The following TP53INP1 variants were observed in gnomAD, a reference collection of about 807,000 sequenced individuals.
TP53INP1 encodes the protein tumor protein p53 inducible nuclear protein 1.
In TP53INP1, 12 loss-of-function variants were observed where a neutral mutation model predicts 21.0. The observed-to-expected ratio is 0.57, with a 90% CI of 0.37 to 0.93. The LOEUF (loss-of-function observed/expected upper bound fraction) is 0.93, where lower values mean the gene tolerates loss of function less well. Ranked by LOEUF, TP53INP1 falls within the 40% of genes least tolerant of loss-of-function variation. The pLI is 0.01. For synonymous variants in TP53INP1, 91 were observed against 94.8 expected, an observed-to-expected ratio of 0.96 and a Z score of 0.23; for missense variants, 274 against 294.7, an observed-to-expected ratio of 0.93 and a Z score of 0.51.
chr8:94,946,879 A>T (rs2131397005), intron 1 of TP53INP1, among the ~76,000 whole-genome samples: 1 of 152,144 alleles, frequency 6.6e-6, no homozygotes, highest in South Asian at 2.1e-4. Context: ...TTAAGTGTAT[A>T]CTACTTAGAA....
At chr8:94,941,847 G>A (rs918497514) in intron 1 of TP53INP1, among the ~76,000 whole-genome samples, 4 of 152,178 alleles carry the variant, frequency 2.6e-5, no homozygotes, top group African/African-American at 9.7e-5. Context: ...AGAACTCCAG[G>A]CTTGCTTGAT....
chr8:94,930,798 T>C, intron 3 of TP53INP1, 70 bp from the exon 4 acceptor site: 1 of 1,530,492 alleles, frequency 6.5e-7, no homozygotes, highest in Non-Finnish European at 8.8e-7. Flanking sequence ...AAAAGTTACT[T>C]AGCAATTCAA....
At position 94,947,296 on chromosome 8, in the gene TP53INP1, A is replaced by C. The variant is rs905118350; in HGVS notation, c.-151+1858T>G. Among the ~76,000 whole-genome samples, 6 of 152,146 alleles carry C rather than the reference A, an allele frequency of 3.9e-5. 1 individual carries two copies. The highest frequency in any genetic ancestry group is 9.6e-5 in the African/African-American group (4 of 41,524). Reference sequence around the variant, plus strand: ...CTCCAAAAAATATTAAAAAAAAAAAAAAAACCCGCAAGTTTGATGATCTAA... The same window carrying C: ...CTCCAAAAAATATTAAAAAAAAAAACAAAACCCGCAAGTTTGATGATCTAA... On this transcript the variant is annotated intron_variant, in intron 1 of 3. Transcript: ENST00000342697.
At chr8:94,939,018 G>A (rs527410238) in intron 3 of TP53INP1, among the ~76,000 whole-genome samples, 1 of 152,252 alleles carries the variant, frequency 6.6e-6, no homozygotes, top group Non-Finnish European at 1.5e-5. Flanking sequence ...GACACTAGAG[G>A]GTGTCCACTG....
Position 94,930,492 on chromosome 8 carries a change from T to C in TP53INP1, c.710A>G (p.Gln237Arg). The change falls in exon 4 of 4, where the codon CAG becomes CGG. Residue 237 changes from glutamine to arginine, a missense_variant. Gln to Arg is a conservative substitution (Grantham distance 43). Transcript: ENST00000342697. ...AACTTGAAACTATTAGTAATTGTAC[T>C]GACGCGGGCAGGGCTGATGAACAAC... ...GWVVHQPCPR[Q>R]YNY The C allele has an allele frequency of 6.2e-7, 1 of 1,614,250 alleles. No individual in the cohort carries two copies. The highest frequency in any genetic ancestry group is 8.5e-7 in the Non-Finnish European group (1 of 1,180,046).
intron 3 of TP53INP1, among the ~76,000 whole-genome samples, chr8:94,934,543 G>C (rs2131334928): frequency 6.6e-6 from 1 of 151,968 alleles, no homozygotes; most frequent in East Asian, 1.9e-4. Flanking sequence ...CCACCAGCAA[G>C]CCTGGCTAAT....
At chr8:94,939,270 T>G (rs1821287043) in intron 3 of TP53INP1, among the ~76,000 whole-genome samples, 1 of 152,184 alleles carries the variant, frequency 6.6e-6, no homozygotes, top group Non-Finnish European at 1.5e-5. Context: ...AAAGTCAGAG[T>G]TATGTTCTAA....
chr8:94,942,063 TTGTC>T (rs1242247863), intron 1 of TP53INP1, among the ~76,000 whole-genome samples: 3 of 151,772 alleles, frequency 2.0e-5, no homozygotes. Flanking sequence ...GACGGAGTCT[TTGTC>T]TGTTGCCCAG....
intron 3 of TP53INP1, among the ~76,000 whole-genome samples, chr8:94,932,732 G>A (rs1408691459): frequency 6.6e-6 from 1 of 152,204 alleles, no homozygotes; most frequent in Non-Finnish European, 1.5e-5. Flanking sequence ...GAACCCAGGA[G>A]GCGGAGCTTG....
intron 3 of TP53INP1, among the ~76,000 whole-genome samples, chr8:94,935,453 G>A (rs1000759746): frequency 3.9e-5 from 6 of 152,208 alleles, no homozygotes; most frequent in Non-Finnish European, 7.3e-5. Context: ...GTCATATGAT[G>A]TCTGTAAATT....
intron 3 of TP53INP1, among the ~76,000 whole-genome samples, chr8:94,931,493 C>A (rs544096471): frequency 6.6e-6 from 1 of 152,052 alleles, no homozygotes; most frequent in African/African-American, 2.4e-5. Flanking sequence ...CAACACGTAA[C>A]ATGAAGAGCT....
chr8:94,937,157 C>G (rs1821056835), intron 3 of TP53INP1, among the ~76,000 whole-genome samples: 1 of 152,114 alleles, frequency 6.6e-6, no homozygotes, highest in Admixed American at 6.6e-5. Flanking sequence ...TTTCTTCAGA[C>G]CAAAGGACAC....
Position 94,926,182 on chromosome 8 carries a change from C to T in TP53INP1, c.*4297G>A, listed in dbSNP as rs1819874383. 1.3e-5 allele frequency: 2 copies of T among 152,442 alleles called. 1 individual carries two copies. The highest frequency in any genetic ancestry group is 4.1e-4 in the South Asian group (2 of 4,826). 9.4% of individuals were successfully genotyped at this position (152,442 alleles called of 1,614,324 possible). A position where few individuals can be genotyped will look rare whatever the true frequency, so the allele number is the denominator to read the frequency against. ...TCAGTATAAAAAATTTCTATAAAAA[C>T]AAAATTTAGACCGTGGCTCAAGAAA... On this transcript the variant is annotated 3_prime_UTR_variant, in exon 4 of 4. Transcript: ENST00000342697.
At position 94,939,997 on chromosome 8, in the gene TP53INP1, G is replaced by C. The variant is rs1821365290; in HGVS notation, c.336C>G (p.Ile112Met). The C allele has an allele frequency of 1.2e-6, 2 of 1,614,190 alleles. No homozygotes were observed. The highest frequency in any genetic ancestry group is 1.7e-6 in the Non-Finnish European group (2 of 1,180,034). ...PCFTAGGLTT[I>M]KVETSPMENL... is the part of the protein sequence containing the mutation. ...TTTCCATAGGACTTGTTTCCACCTT[G>C]ATAGTGGTTAATCCACCTGCAGTAA... The change falls in exon 3 of 4, where the codon ATC becomes ATG. Residue 112 changes from isoleucine (I) to methionine (M), a missense_variant. Coordinates refer to ENST00000342697, the MANE Select transcript of TP53INP1 (RefSeq NM_033285.4).
chr8:94,943,062 G>A (rs1265089049), intron 1 of TP53INP1, among the ~76,000 whole-genome samples: 1 of 152,206 alleles, frequency 6.6e-6, no homozygotes, highest in Non-Finnish European at 1.5e-5. Context: ...GTAAATTGGG[G>A]GGATATGCAA....
chr8:94,929,328 C>A lies in TP53INP1; in HGVS notation c.*1151G>T, dbSNP rs1041518061. On this transcript the variant is annotated 3_prime_UTR_variant, in exon 4 of 4. Coordinates refer to ENST00000342697, the MANE Select transcript of TP53INP1 (RefSeq NM_033285.4). ...TCCCCGTTGGTGGGGGAAACAGAGG[C>A]CAGAGTGGTTAAAGATTTTGCCTGA... 1 of 151,804 alleles carries A rather than the reference C, an allele frequency of 6.6e-6. No homozygotes were observed. The highest frequency in any genetic ancestry group is 6.6e-5 in the Admixed American group (1 of 15,226). 9.4% of individuals were successfully genotyped at this position (151,804 alleles called of 1,614,324 possible).
At position 94,929,171 on chromosome 8, in the gene TP53INP1, C is replaced by T. The variant is rs534377496; in HGVS notation, c.*1308G>A. On this transcript the variant is annotated 3_prime_UTR_variant, in exon 4 of 4. Transcript: ENST00000342697. ...AACAGCTGTGGCAGAGAAAGTGCCA[C>T]GGCCCCACCCCATCACCAGATTCAG... 1.4e-3 allele frequency: 219 copies of T among 152,686 alleles called. No individual in the cohort carries two copies. The highest frequency in any genetic ancestry group is 6.2e-3 in the South Asian group (30 of 4,828). 9.5% of individuals were successfully genotyped at this position (152,686 alleles called of 1,614,324 possible).
At chr8:94,948,989 G>A (rs1243829106) in intron 1 of TP53INP1, among the ~76,000 whole-genome samples, 165 bp downstream of exon 1, 6 of 149,990 alleles carry the variant, frequency 4.0e-5, no homozygotes, top group Non-Finnish European at 7.4e-5. Context: ...GGGCCCGGCG[G>A]CGGCGAGGGG....
At position 94,928,888 on chromosome 8, in the gene TP53INP1, A is replaced by T. The variant is rs896150781; in HGVS notation, c.*1591T>A. 1.2e-4 allele frequency: 18 copies of T among 152,594 alleles called. No homozygotes were observed. Among genetic ancestry groups the T allele is most frequent in the African/African-American group, 3.9e-4 (16 of 41,444 alleles). 9.5% of individuals were successfully genotyped at this position (152,594 alleles called of 1,614,324 possible). A position where few individuals can be genotyped will look rare whatever the true frequency, so the allele number is the denominator to read the frequency against. ...CATTTTGTAGACCTGTACTCATTTAATTAGGGTTGCAGAGGAGATGGAAAA... is the reference window on the plus strand; with the variant it reads ...CATTTTGTAGACCTGTACTCATTTATTTAGGGTTGCAGAGGAGATGGAAAA... On this transcript the variant is annotated 3_prime_UTR_variant, in exon 4 of 4. Transcript: ENST00000342697.
Sources: gnomAD v4.1 joint callset for allele counts (sites outside exome capture counted in the v4.1 genomes callset) on GRCh38, gnomAD v4.1.1 for gene constraint, MANE v1.5 for transcripts, NCBI Gene and HGNC (gene_info 2026-07-23, HGNC 2026-07-21) for gene names.